The following CSMD1 variants were observed in gnomAD, a reference collection of about 807,000 sequenced individuals.
CSMD1 encodes CUB and Sushi multiple domains 1.
In CSMD1, 213 loss-of-function variants were observed where a neutral mutation model predicts 417.5. That is an observed-to-expected ratio of 0.51 (90% CI 0.46 to 0.57). CSMD1 has a LOEUF of 0.57. Ranked by LOEUF, CSMD1 falls within the 20% of genes least tolerant of loss-of-function variation. The pLI is 0.00. For missense variants in CSMD1, 6,923 were observed against 4,529.7 expected, an observed-to-expected ratio of 1.53 and a Z score of -15.17; for synonymous variants, 2,862 against 1,736.8, an observed-to-expected ratio of 1.65 and a Z score of -16.11.
rs759102740 is a variant in CSMD1 at position 3,190,093 on chromosome 8, G to C, written c.5217C>G (p.Thr1739=). The C allele has an allele frequency of 1.3e-6, 2 of 1,590,960 alleles. No homozygotes were observed. The highest frequency in any genetic ancestry group is 1.7e-6 in the Non-Finnish European group (2 of 1,168,750). ...TGGGCTCGGGGACAGAGCTGCATTG[G>C]GTGTCACTGGTACGAGGAACAGCTA... ...VYQAVPRTSD[T]QCSSVPEPRY... The change falls in exon 34 of 70, where the codon ACC becomes ACG. Residue 1739 remains threonine, a synonymous_variant. Transcript: ENST00000635120.
chr8:4,209,592 C>T (rs546809423), intron 3 of CSMD1, among the ~76,000 whole-genome samples: 1 of 152,176 alleles, frequency 6.6e-6, no homozygotes, highest in African/African-American at 2.4e-5. Flanking sequence ...CTTTCCTTTT[C>T]CCTGTCCCCG....
chr8:4,309,334 G>C (rs1263598141), intron 3 of CSMD1, among the ~76,000 whole-genome samples: 2 of 152,098 alleles, frequency 1.3e-5, no homozygotes, highest in Admixed American at 6.6e-5. Context: ...AAAATGAGAT[G>C]AGAAGTTTTT....
At chr8:3,272,217 G>A (rs1016860137) in intron 26 of CSMD1, among the ~76,000 whole-genome samples, 1 of 146,976 alleles carries the variant, frequency 6.8e-6, no homozygotes, top group Non-Finnish European at 1.5e-5. Flanking sequence ...TTTTACTCAG[G>A]TTTGTCAAAG....
intron 12 of CSMD1, among the ~76,000 whole-genome samples, chr8:3,464,262 A>T (rs1816678352): frequency 6.6e-6 from 1 of 152,188 alleles, no homozygotes. Context: ...CTATAGACAG[A>T]GAAGCCATAA....
intron 2 of CSMD1, among the ~76,000 whole-genome samples, chr8:4,501,621 T>G (rs1000906651): frequency 1.3e-5 from 2 of 152,172 alleles, no homozygotes; most frequent in Non-Finnish European, 2.9e-5. Flanking sequence ...AGTTTTAAAT[T>G]GCTAGCTGTT....
At chr8:4,153,275 T>C (rs1260009552) in intron 3 of CSMD1, among the ~76,000 whole-genome samples, 1 of 152,054 alleles carries the variant, frequency 6.6e-6, no homozygotes, top group African/African-American at 2.4e-5. Flanking sequence ...AAAGACAGAG[T>C]GTCCAAGTTT....
At chr8:4,227,115 C>A (rs1453566986) in intron 3 of CSMD1, among the ~76,000 whole-genome samples, 1 of 152,124 alleles carries the variant, frequency 6.6e-6, no homozygotes, top group Non-Finnish European at 1.5e-5. Flanking sequence ...GGAAGGAAAT[C>A]GCCCCCAAGA....
intron 3 of CSMD1, among the ~76,000 whole-genome samples, chr8:4,170,771 C>T (rs1714759): frequency 0.98 from 149,041 of 151,804 alleles, 73,274 homozygotes; most frequent in Middle Eastern, 1. Context: ...CTAAGGGACA[C>T]AGAATTTCAA....
chr8:4,300,802 G>C (rs376777864), intron 3 of CSMD1, among the ~76,000 whole-genome samples: 1 of 152,036 alleles, frequency 6.6e-6, no homozygotes, highest in Admixed American at 6.6e-5. Context: ...TTTTGTCCTG[G>C]CAATAGTTTG....
At chr8:3,031,886 T>C (rs760599993) in intron 50 of CSMD1, among the ~76,000 whole-genome samples, 6 of 151,670 alleles carry the variant, frequency 4.0e-5, no homozygotes, top group Non-Finnish European at 7.4e-5. Context: ...TTGGCTATGC[T>C]ATACCCTCAT....
chr8:4,077,297 G>GTGTA (rs1313094441), intron 3 of CSMD1, among the ~76,000 whole-genome samples: 6 of 121,282 alleles, frequency 4.9e-5, no homozygotes, highest in African/African-American at 2.1e-4. Context: ...ATATATATGT[G>GTGTA]TATATATATA....
intron 3 of CSMD1, among the ~76,000 whole-genome samples, chr8:4,238,434 C>T (rs1306868709): frequency 7.9e-5 from 12 of 152,186 alleles, no homozygotes; most frequent in Non-Finnish European, 1.8e-4. Flanking sequence ...CAAATCAATA[C>T]TGTGATTCCC....
At chr8:4,120,907 G>A (rs922712608) in intron 3 of CSMD1, among the ~76,000 whole-genome samples, 3 of 152,056 alleles carry the variant, frequency 2.0e-5, no homozygotes, top group African/African-American at 7.2e-5. Flanking sequence ...AATTTATTTA[G>A]GAATTCTGTT....
chr8:4,168,778 A>C (rs1563215512), intron 3 of CSMD1, among the ~76,000 whole-genome samples: 1 of 152,128 alleles, frequency 6.6e-6, no homozygotes, highest in Non-Finnish European at 1.5e-5. Context: ...TCCTTACAAT[A>C]AAACTCTCCT....
At chr8:3,511,322 A>C (rs1046655523) in intron 10 of CSMD1, among the ~76,000 whole-genome samples, 3 of 151,728 alleles carry the variant, frequency 2.0e-5, no homozygotes, top group Non-Finnish European at 4.4e-5. Context: ...TGGCATGTGT[A>C]TACCTATGTA....
At chr8:4,799,244 A>G (rs1248859475) in intron 1 of CSMD1, among the ~76,000 whole-genome samples, 1 of 152,176 alleles carries the variant, frequency 6.6e-6, no homozygotes, top group African/African-American at 2.4e-5. Context: ...AAGGGATAAC[A>G]CCGATGTAGC....
At chr8:3,900,267 ACAGCTGCGTGACAGTG>A (rs755811909) in intron 5 of CSMD1, among the ~76,000 whole-genome samples, 62 of 143,668 alleles carry the variant, frequency 4.3e-4, no homozygotes, top group Non-Finnish European at 6.5e-4. Context: ...GGGTGACAGC[ACAGCTGCGTGACAGTG>A]CAGCTGCGTG....
At chr8:3,719,660 G>A (rs538570674) in intron 6 of CSMD1, among the ~76,000 whole-genome samples, 2 of 152,278 alleles carry the variant, frequency 1.3e-5, no homozygotes, top group East Asian at 1.9e-4. Flanking sequence ...GGTCAGATGA[G>A]CTTGGGGAAG....
At chr8:4,647,955 G>C (rs141293598) in intron 1 of CSMD1, among the ~76,000 whole-genome samples, 5 of 152,150 alleles carry the variant, frequency 3.3e-5, no homozygotes, top group African/African-American at 1.2e-4. Flanking sequence ...CTGGTCAAAT[G>C]GTATTTCTGG....
Sources: allele counts gnomAD v4.1 joint callset (sites outside exome capture counted in the v4.1 genomes callset), GRCh38; gene constraint gnomAD v4.1.1; transcripts MANE v1.5; gene names NCBI Gene and HGNC (gene_info 2026-07-23, HGNC 2026-07-21).